GFM1: variants seen among roughly 807,000 people sequenced by gnomAD.
GFM1 encodes the protein elongation factor G, mitochondrial.
In GFM1, 62 loss-of-function variants were observed where a neutral mutation model predicts 96.2. The observed-to-expected ratio is 0.64, with a 90% confidence interval of 0.53 to 0.80. The LOEUF is 0.80. GFM1 is among the 30% of genes least tolerant of loss of function. The probability of loss-of-function intolerance (pLI) is 0.00; values close to 1 mark genes in which losing one functional copy is unlikely to be tolerated. For synonymous variants in GFM1, 282 were observed against 312.9 expected (o/e 0.90, Z 1.04); for missense variants, 852 against 916.6 (o/e 0.93, Z 0.91).
At chr3:158,646,133 G>A (rs764690450) in intron 2 of GFM1, 32 bp from the exon 3 acceptor site, 82 of 1,613,854 alleles carry the variant, frequency 5.1e-5, no homozygotes, top group Non-Finnish European at 6.3e-5. Context: ...TGCAGGGACA[G>A]AGAAAGTCTG....
intron 4 of GFM1, among the ~76,000 whole-genome samples, chr3:158,647,354 A>G (rs1237183133): frequency 6.6e-6 from 1 of 152,228 alleles, no homozygotes; most frequent in Non-Finnish European, 1.5e-5. Flanking sequence ...TGCCATAGAG[A>G]TGAGATTTTC....
At chr3:158,685,489 A>T (rs921927324) in intron 15 of GFM1, among the ~76,000 whole-genome samples, 8 of 152,240 alleles carry the variant, frequency 5.3e-5, no homozygotes, top group African/African-American at 1.9e-4. Flanking sequence ...TGGACAGTAG[A>T]AACTTTAATC....
chr3:158,687,826 G>A (rs1390182014), intron 15 of GFM1, among the ~76,000 whole-genome samples: 1 of 151,894 alleles, frequency 6.6e-6, no homozygotes, highest in African/African-American at 2.4e-5. Context: ...CATTAGATTT[G>A]AAGTAAAAAT....
In GFM1 at chr3:158,692,600, G is replaced by A. The variant is rs1046925991; in HGVS notation, c.*1133G>A. On this transcript the variant is annotated 3_prime_UTR_variant, in exon 18 of 18. Transcript: ENST00000486715. The stretch of plus-strand genomic sequence containing the variant: ...CCTTTGCTTTTCTTGACTTATAGAC[G>A]TGGCTTTATACTTTAAGGTTTCTAG... 1.3e-5 allele frequency: 2 copies of A among 152,010 alleles called. No individual in the cohort carries two copies. The highest frequency in any genetic ancestry group is 1.3e-4 in the Admixed American group (2 of 15,264). 9.4% of individuals were successfully genotyped at this position (152,010 alleles called of 1,614,324 possible).
At chr3:158,666,590 G>T (rs997262311) in intron 13 of GFM1, 6 of 1,468,504 alleles carry the variant, frequency 4.1e-6, no homozygotes, top group African/African-American at 1.4e-5. Flanking sequence ...AGATGCCAGT[G>T]AAATTGGCAT....
chr3:158,665,180 C>G (rs1723541539), intron 11 of GFM1, among the ~76,000 whole-genome samples, 157 bp from the exon 12 acceptor site: 1 of 152,110 alleles, frequency 6.6e-6, no homozygotes, highest in Non-Finnish European at 1.5e-5. Context: ...TCCAAGCTCA[C>G]ATTGTTTTTA....
intron 13 of GFM1, chr3:158,669,266 T>C: frequency 8.2e-7 from 1 of 1,225,204 alleles, no homozygotes; most frequent in Non-Finnish European, 1.1e-6. Context: ...TATGGATCTA[T>C]AAAATTTCTG....
chr3:158,653,237 T>G, intron 6 of GFM1, 73 bp from the exon 7 acceptor site: 1 of 1,211,982 alleles, frequency 8.3e-7, no homozygotes, highest in Non-Finnish European at 1.2e-6. Flanking sequence ...ATTTTATTCA[T>G]TTGTTTGTAG....
intron 15 of GFM1, among the ~76,000 whole-genome samples, chr3:158,685,485 G>A (rs910771686): frequency 6.6e-5 from 10 of 152,188 alleles, no homozygotes; most frequent in Admixed American, 2.6e-4. Flanking sequence ...AAAGTGGACA[G>A]TAGAAACTTT....
intron 7 of GFM1, among the ~76,000 whole-genome samples, chr3:158,654,270 G>T (rs957269287): frequency 1.6e-5 from 2 of 128,448 alleles, no homozygotes; most frequent in African/African-American, 6.0e-5. Flanking sequence ...CTGGAGTGCA[G>T]TGGTGCAGTA....
intron 8 of GFM1, chr3:158,657,576 A>G (rs1722870289): frequency 6.6e-6 from 1 of 152,162 alleles, no homozygotes; most frequent in South Asian, 2.1e-4. Context: ...TTAGTCATTC[A>G]TTAATTTTTA....
At position 158,652,207 on chromosome 3, in the gene GFM1, G is replaced by A. The variant is rs776938494; in HGVS notation, c.801G>A (p.Met267Ile). The change falls in exon 6 of 18, where the codon ATG (methionine) becomes ATA (isoleucine). Residue 267 changes from methionine (M) to isoleucine (I), a missense_variant. By Grantham distance (10) the Met-to-Ile change is conservative (BLOSUM62 1). Coordinates refer to ENST00000486715, the MANE Select transcript of GFM1 (RefSeq NM_024996.7). ...ATTCAGATGAACAGCTTGGTGAGATGTTTCTGGAAGAAAAAATCCCCTCGA... is the reference window on the plus strand; with the variant it reads ...ATTCAGATGAACAGCTTGGTGAGATATTTCTGGAAGAAAAAATCCCCTCGA... ...VANSDEQLGE[M>I]FLEEKIPSIS... is the part of the protein sequence containing the mutation. 6.2e-7 allele frequency: 1 copy of A among 1,614,056 alleles called. No homozygotes were observed. The highest frequency in any genetic ancestry group is 2.2e-5 in the East Asian group (1 of 44,874).
intron 13 of GFM1, among the ~76,000 whole-genome samples, chr3:158,677,529 TTCAC>T (rs1264646657): frequency 1.3e-5 from 2 of 152,194 alleles, no homozygotes; most frequent in Admixed American, 6.5e-5. Flanking sequence ...GAAATGGAGT[TTCAC>T]TCTGTCGTCC....
intron 1 of GFM1, chr3:158,644,940 G>T: frequency 2.6e-5 from 12 of 465,740 alleles, no homozygotes; most frequent in South Asian, 1.3e-4. Context: ...AAAAGTGTCT[G>T]TCACTCAGAT....
chr3:158,688,312 G>C (rs911285697), intron 15 of GFM1, among the ~76,000 whole-genome samples: 11 of 152,112 alleles, frequency 7.2e-5, no homozygotes, highest in African/African-American at 2.7e-4. Flanking sequence ...CTTATCTTAT[G>C]GTATAGGATT....
chr3:158,691,169 A>C lies in GFM1; in HGVS notation c.2101A>C (p.Thr701Pro). ...VPLNDMFGYS[T>P]ELRSCTEGKG... ...TCTAAATGATATGTTTGGTTATTCC[A>C]CTGAACTTAGGTCATGCACAGAGGT... Residue 701 changes from threonine to proline, a missense_variant, in exon 17 of 18, where the codon ACT (threonine) becomes CCT (proline). Transcript: ENST00000486715. 2.5e-6 allele frequency: 4 copies of C among 1,612,814 alleles called. No individual in the cohort carries two copies. The highest frequency in any genetic ancestry group is 3.4e-6 in the Non-Finnish European group (4 of 1,178,876).
intron 13 of GFM1, among the ~76,000 whole-genome samples, chr3:158,681,117 C>G (rs1204789437): frequency 6.6e-6 from 1 of 152,144 alleles, no homozygotes; most frequent in Non-Finnish European, 1.5e-5. Flanking sequence ...CAGCTTAGAA[C>G]AGGCAAATAT....
At chr3:158,676,182 T>C (rs1204842013) in intron 13 of GFM1, among the ~76,000 whole-genome samples, 1 of 152,156 alleles carries the variant, frequency 6.6e-6, no homozygotes, top group Non-Finnish European at 1.5e-5. Flanking sequence ...GGTGGGTGGC[T>C]CACTTGAGCA....
At chr3:158,669,532 A>C (rs754221698) in intron 13 of GFM1, 1 of 1,613,926 alleles carries the variant, frequency 6.2e-7, no homozygotes, top group South Asian at 1.1e-5. Context: ...TCTCCTTCAA[A>C]TGTGAAGTTG....
Sources: allele counts gnomAD v4.1 joint callset (sites outside exome capture counted in the v4.1 genomes callset), GRCh38; gene constraint gnomAD v4.1.1; transcripts MANE v1.5; gene names NCBI Gene and HGNC (gene_info 2026-07-23, HGNC 2026-07-21).